ADGRG7: variants seen among roughly 807,000 people sequenced by gnomAD.
ADGRG7 encodes adhesion G protein-coupled receptor G7, also known as G-protein coupled receptor 128.
A neutral mutation model predicts 88.6 loss-of-function variants in ADGRG7; 82 were observed. The observed-to-expected ratio is 0.93, with a 90% CI of 0.77 to 1.11. ADGRG7 has a LOEUF of 1.11. Among genes scored for constraint, ADGRG7 ranks in the 50% most tolerant of loss-of-function variants. The probability of loss-of-function intolerance (pLI) is 0.00; values close to 1 mark genes in which losing one functional copy is unlikely to be tolerated. For missense variants in ADGRG7, 945 were observed against 953.4 expected (o/e 0.99, Z 0.12); for synonymous variants, 381 against 345.2 (o/e 1.10, Z -1.15).
At chr3:100,682,187 C>CG (rs2094974349) in intron 15 of ADGRG7, among the ~76,000 whole-genome samples, 1 of 152,102 alleles carries the variant, frequency 6.6e-6, no homozygotes, top group South Asian at 2.1e-4. Context: ...AACCCACCCC[C>CG]GGGAGCTGCC....
chr3:100,688,889 A>AGGTC (rs1351812596), intron 15 of ADGRG7, among the ~76,000 whole-genome samples: 1 of 152,206 alleles, frequency 6.6e-6, no homozygotes, highest in African/African-American at 2.4e-5. Flanking sequence ...GATGTCTATT[A>AGGTC]GGTCCACTTG....
At chr3:100,687,367 T>A (rs1219126873) in intron 15 of ADGRG7, among the ~76,000 whole-genome samples, 1 of 152,182 alleles carries the variant, frequency 6.6e-6, no homozygotes, top group Non-Finnish European at 1.5e-5. Flanking sequence ...ATACCCTTTA[T>A]TTCCTTCTCC....
At chr3:100,621,845 C>A (rs1416229286) in intron 1 of ADGRG7, among the ~76,000 whole-genome samples, 1 of 152,188 alleles carries the variant, frequency 6.6e-6, no homozygotes, top group Non-Finnish European at 1.5e-5. Context: ...AAACATCTGG[C>A]TCCAAACTTC....
chr3:100,650,746 TG>T (rs2094928171), intron 11 of ADGRG7, among the ~76,000 whole-genome samples: 1 of 152,148 alleles, frequency 6.6e-6, no homozygotes, highest in Admixed American at 6.5e-5. Context: ...AGATGACTCG[TG>T]GGGTGCCACT....
At chr3:100,650,451 T>C (rs1461733360) in intron 11 of ADGRG7, among the ~76,000 whole-genome samples, 2 of 152,240 alleles carry the variant, frequency 1.3e-5, no homozygotes, top group African/African-American at 4.8e-5. Context: ...CTCTGTCAAC[T>C]TCACATTTCA....
intron 6 of ADGRG7, among the ~76,000 whole-genome samples, chr3:100,639,257 T>C (rs1318856669): frequency 6.6e-6 from 1 of 152,218 alleles, no homozygotes; most frequent in African/African-American, 2.4e-5. Flanking sequence ...GCTGGAAGTC[T>C]TTTAATGTTC....
intron 11 of ADGRG7, among the ~76,000 whole-genome samples, chr3:100,653,218 A>G (rs1300726672): frequency 6.6e-6 from 1 of 152,260 alleles, no homozygotes; most frequent in East Asian, 1.9e-4. Context: ...CAGTAACAAT[A>G]GGCCATGAAA....
At position 100,694,763 on chromosome 3, in the gene ADGRG7, T is replaced by C. The variant is rs761505636; in HGVS notation, c.2156T>C (p.Leu719Pro). 5.6e-6 allele frequency: 9 copies of C among 1,614,022 alleles called. No individual in the cohort carries two copies. The highest frequency in any genetic ancestry group is 2.2e-5 in the East Asian group (1 of 44,906). Reference sequence around the variant, plus strand: ...CTGCAGGGATTGCAAATTTTTATCCTGTACACTGTTAGAACAAAAGTCTTC... The same window carrying C: ...CTGCAGGGATTGCAAATTTTTATCCCGTACACTGTTAGAACAAAAGTCTTC... ...NTTQGLQIFI[L>P]YTVRTKVFQS... Residue 719 changes from leucine (L) to proline (P), a missense_variant, in exon 16 of 16, where the codon CTG (leucine) becomes CCG (proline). By Grantham distance (98) the Leu-to-Pro change is moderately conservative. Transcript: ENST00000273352.
In ADGRG7 at chr3:100,646,602, G is replaced by A; in HGVS notation, c.1144G>A (p.Ala382Thr). Residue 382 changes from alanine to threonine, a missense_variant, in exon 10 of 16, where the codon GCC (alanine) becomes ACC (threonine). Transcript: ENST00000273352. ...AAAAGAATTTCAACTCTATTCCTAT[G>A]CCTGTGTCTATTGGAATTTGTCAGC... ...NQKEFQLYSY[A>T]CVYWNLSAKD... The A allele has an allele frequency of 6.2e-7, 1 of 1,613,714 alleles. No homozygotes were observed. Among genetic ancestry groups the A allele is most frequent in the Non-Finnish European group, 8.5e-7 (1 of 1,179,736 alleles).
intron 1 of ADGRG7, among the ~76,000 whole-genome samples, chr3:100,614,426 A>C (rs1433537952): frequency 6.6e-6 from 1 of 152,234 alleles, no homozygotes; most frequent in Non-Finnish European, 1.5e-5. Context: ...TTATTTAACC[A>C]GTTTATTGAA....
intron 15 of ADGRG7, among the ~76,000 whole-genome samples, chr3:100,674,279 T>C (rs2094962141): frequency 1.3e-5 from 2 of 152,254 alleles, no homozygotes; most frequent in Admixed American, 1.3e-4. Context: ...TCTAGGTCTT[T>C]TGTGGTTCCA....
chr3:100,618,795 A>G (rs1365345950), intron 1 of ADGRG7, among the ~76,000 whole-genome samples: 2 of 152,110 alleles, frequency 1.3e-5, no homozygotes, highest in Non-Finnish European at 2.9e-5. Context: ...TTGATCTATA[A>G]ATTACCTTGG....
At chr3:100,623,301 G>C (rs1442796199) in intron 1 of ADGRG7, among the ~76,000 whole-genome samples, 1 of 152,052 alleles carries the variant, frequency 6.6e-6, no homozygotes, top group South Asian at 2.1e-4. Context: ...TATTCAGTTA[G>C]TCTAGCACCA....
At chr3:100,660,115 G>T (rs771716797) in intron 14 of ADGRG7, among the ~76,000 whole-genome samples, 118 of 151,860 alleles carry the variant, frequency 7.8e-4, no homozygotes, top group African/African-American at 2.6e-3. Flanking sequence ...TAGACTTCAA[G>T]AAAAAAAATT....
chr3:100,694,555 C>T (rs1474336308), intron 15 of ADGRG7, among the ~76,000 whole-genome samples, 189 bp from the exon 16 acceptor site: 1 of 152,140 alleles, frequency 6.6e-6, no homozygotes, highest in Non-Finnish European at 1.5e-5. Flanking sequence ...ACATGTAGGT[C>T]TTTGTATATG....
At chr3:100,690,832 G>T (rs1310818026) in intron 15 of ADGRG7, among the ~76,000 whole-genome samples, 1 of 152,228 alleles carries the variant, frequency 6.6e-6, no homozygotes, top group Non-Finnish European at 1.5e-5. Context: ...CACTTGAGGA[G>T]GCAGTCTGCC....
chr3:100,620,833 GT>G (rs1297824111), intron 1 of ADGRG7, among the ~76,000 whole-genome samples: 185 of 79,726 alleles, frequency 2.3e-3, no homozygotes, highest in Middle Eastern at 6.6e-3. Flanking sequence ...TAGGTATTAT[GT>G]TTTTTTTTTT....
chr3:100,618,915 C>G (rs1707266503), intron 1 of ADGRG7, among the ~76,000 whole-genome samples: 1 of 152,116 alleles, frequency 6.6e-6, no homozygotes, highest in African/African-American at 2.4e-5. Flanking sequence ...TGTAGTTCTC[C>G]TTGAAGAGGT....
At chr3:100,687,556 T>C (rs2094984934) in intron 15 of ADGRG7, among the ~76,000 whole-genome samples, 1 of 152,154 alleles carries the variant, frequency 6.6e-6, no homozygotes, top group African/African-American at 2.4e-5. Flanking sequence ...ATCCCATCAA[T>C]ACCTAATTTA....
Sources: gnomAD v4.1 joint callset for allele counts (sites outside exome capture counted in the v4.1 genomes callset) on GRCh38, gnomAD v4.1.1 for gene constraint, MANE v1.5 for transcripts, NCBI Gene and HGNC (gene_info 2026-07-23, HGNC 2026-07-21) for gene names.